Variants in VPS35L observed in about 807,000 individuals in gnomAD.
The protein encoded by VPS35L is VPS35 endosomal protein-sorting factor-like.
In VPS35L, 83 loss-of-function variants were observed where a neutral mutation model predicts 133.0. That is an observed-to-expected ratio of 0.62 (90% CI 0.52 to 0.75). VPS35L has a LOEUF of 0.75. Among genes scored for constraint, VPS35L ranks in the 30% least tolerant of loss-of-function variants. The pLI is 0.00. For missense variants in VPS35L, 1,083 were observed against 1,206.8 expected (o/e 0.90, Z 1.52); for synonymous variants, 423 against 449.9 (o/e 0.94, Z 0.76).
intron 1 of VPS35L, among the ~76,000 whole-genome samples, chr16:19,559,045 C>T (rs1184325488): frequency 6.6e-6 from 1 of 151,726 alleles, no homozygotes; most frequent in Non-Finnish European, 1.5e-5. Flanking sequence ...GCTGTGTGGT[C>T]CGATTATGTG....
At chr16:19,579,244 G>C (rs748316272) in intron 6 of VPS35L, 116 bp downstream of exon 6, 351 of 957,056 alleles carry the variant, frequency 3.7e-4, no homozygotes, top group Non-Finnish European at 5.0e-4. Flanking sequence ...CATTGTGCTT[G>C]GTCCTCTCGA....
At chr16:19,557,956 T>TGGGAGAATCGCTTGATCCC (rs1286246946) in intron 1 of VPS35L, among the ~76,000 whole-genome samples, 3 of 151,868 alleles carry the variant, frequency 2.0e-5, no homozygotes, top group African/African-American at 2.4e-5. Context: ...GAGGCTGAAG[T>TGGGAGAATCGCTTGATCCC]GGGAGAATCG....
In VPS35L at chr16:19,647,620, T is replaced by C. The variant is rs532721727; in HGVS notation, c.1930-164T>C. 2.6e-5 allele frequency among the ~76,000 whole-genome samples: 4 copies of C among 152,344 alleles called. No homozygotes were observed. The South Asian group carries it at 8.3e-4, about 32-fold the overall frequency. On this transcript the variant is annotated intron_variant, in intron 23 of 30. Coordinates refer to ENST00000417362, the MANE Select transcript of VPS35L (RefSeq NM_020314.7). The stretch of plus-strand genomic sequence containing the variant: ...CCTTCAGAGTCTGGAAAATTCTGCT[T>C]ACACTCTGAGCTTCTGTTTTATACC...
intron 18 of VPS35L, among the ~76,000 whole-genome samples, chr16:19,631,514 C>T (rs1973455963): frequency 6.6e-6 from 1 of 152,070 alleles, no homozygotes; most frequent in African/African-American, 2.4e-5. Context: ...TTTTATTTTA[C>T]ATTTTATTAT....
rs141815613 is a variant in VPS35L at position 19,555,735 on chromosome 16, C to G, written c.6C>G (p.Ala2=). 3.3e-5 allele frequency: 53 copies of G among 1,587,304 alleles called. No individual in the cohort carries two copies. The highest frequency in any genetic ancestry group is 2.7e-4 in the Admixed American group (15 of 56,030). Residue 2 remains alanine (A), a synonymous_variant, in exon 1 of 31, where the codon GCC becomes GCG. Coordinates refer to ENST00000417362, the MANE Select transcript of VPS35L (RefSeq NM_020314.7). ...GCGGTCATGTGACTGGGAAGATGGC[C>G]GTCTTTCCTTGGTAAGGAAGCAGCG... M[A]VFPWHSRNRN...
chr16:19,578,347 G>A (rs747962616), intron 5 of VPS35L: 32 of 439,688 alleles, frequency 7.3e-5, no homozygotes, highest in Middle Eastern at 7.1e-4. Flanking sequence ...GCACTCCAGC[G>A]TGGACGACAG....
chr16:19,564,911 A>T lies in VPS35L; in HGVS notation c.78A>T (p.Pro26=), dbSNP rs150643142. The T allele has an allele frequency of 4.3e-6, 7 of 1,613,504 alleles. No individual in the cohort carries two copies. The African/African-American group carries it at 9.3e-5, about 22-fold the overall frequency. ...CATCATGCCGACTGGAGGCTGTACC[A>T]TTGGAGTTTGGGGACTATCACCCTC... The part of the protein sequence containing the change: ...EFASCRLEAV[P]LEFGDYHPLK... The change falls in exon 2 of 31, where the codon CCA becomes CCT. Residue 26 remains proline, a synonymous_variant. Transcript: ENST00000417362.
At chr16:19,619,859 T>A (rs1973020325) in intron 14 of VPS35L, among the ~76,000 whole-genome samples, 3 of 152,204 alleles carry the variant, frequency 2.0e-5, no homozygotes, top group Non-Finnish European at 4.4e-5. Flanking sequence ...AAGGTGCATG[T>A]GACAATTTGG....
intron 23 of VPS35L, among the ~76,000 whole-genome samples, chr16:19,645,905 T>C (rs982282055): frequency 2.0e-5 from 3 of 152,204 alleles, no homozygotes; most frequent in Middle Eastern, 3.2e-3. Flanking sequence ...TTTACTTATC[T>C]ACTGCTGAGT....
At chr16:19,677,071 T>C (rs1205623678) in intron 27 of VPS35L, among the ~76,000 whole-genome samples, 2 of 91,422 alleles carry the variant, frequency 2.2e-5, no homozygotes, top group Admixed American at 2.0e-4. Flanking sequence ...CTTTTTTTCT[T>C]TTTTTTTTTT....
chr16:19,588,773 T>C (rs1172486683), intron 7 of VPS35L, among the ~76,000 whole-genome samples: 1 of 152,226 alleles, frequency 6.6e-6, no homozygotes, highest in Non-Finnish European at 1.5e-5. Context: ...CTGGTGCCCA[T>C]GTAAAGCTTT....
At chr16:19,566,820 A>G (rs1335538932) in intron 2 of VPS35L, among the ~76,000 whole-genome samples, 3 of 151,240 alleles carry the variant, frequency 2.0e-5, no homozygotes, top group African/African-American at 4.9e-5. Context: ...CACAATCTCA[A>G]CTCAGTGCAA....
intron 29 of VPS35L, among the ~76,000 whole-genome samples, chr16:19,696,079 G>C (rs550382621): frequency 6.7e-6 from 1 of 150,358 alleles, no homozygotes; most frequent in South Asian, 2.1e-4. Context: ...GTAGAGACGG[G>C]GTTTCACTGT....
chr16:19,610,001 C>A (rs8052979), intron 11 of VPS35L, among the ~76,000 whole-genome samples: 4,468 of 151,788 alleles, frequency 0.029, 258 homozygotes, highest in African/African-American at 0.1. Flanking sequence ...GGTGCCCAGT[C>A]GATGGAAAAT....
intron 27 of VPS35L, among the ~76,000 whole-genome samples, chr16:19,671,141 T>C (rs1974858488): frequency 6.6e-6 from 1 of 152,176 alleles, no homozygotes; most frequent in Non-Finnish European, 1.5e-5. Context: ...TGGTTTGCTT[T>C]TTAGTCTTAT....
chr16:19,677,233 T>C (rs562248182), intron 27 of VPS35L, among the ~76,000 whole-genome samples: 26 of 151,910 alleles, frequency 1.7e-4, no homozygotes, highest in South Asian at 4.2e-4. Context: ...GCCTGGCTAA[T>C]TTTATTTATT....
At chr16:19,659,981 C>A (rs569731603) in intron 26 of VPS35L, among the ~76,000 whole-genome samples, 60 of 152,266 alleles carry the variant, frequency 3.9e-4, no homozygotes, top group Non-Finnish European at 6.9e-4. Context: ...TTTACTAATA[C>A]ACATTCAAGA....
At chr16:19,578,827 G>A in intron 5 of VPS35L, 1 of 567,234 alleles carries the variant, frequency 1.8e-6, no homozygotes, top group Non-Finnish European at 3.2e-6. Context: ...TAACCTCTTT[G>A]AGGCTGGCCC....
At chr16:19,608,126 C>A (rs753478991) in intron 9 of VPS35L, 52 bp from the exon 10 acceptor site, 3 of 1,398,914 alleles carry the variant, frequency 2.1e-6, no homozygotes, top group Admixed American at 3.4e-5. Flanking sequence ...CAGGGACTCA[C>A]ACAGATCCTG....
Sources: gnomAD v4.1 joint callset for allele counts (sites outside exome capture counted in the v4.1 genomes callset) on GRCh38, gnomAD v4.1.1 for gene constraint, MANE v1.5 for transcripts, NCBI Gene and HGNC (gene_info 2026-07-23, HGNC 2026-07-21) for gene names.